Variants in IL6ST observed in about 807,000 individuals in gnomAD.
IL6ST encodes interleukin 6 cytokine family signal transducer.
In IL6ST, 24 loss-of-function variants were observed where a neutral mutation model predicts 91.3. The ratio of observed to expected loss-of-function variants is 0.26; its 90% CI spans 0.19 to 0.37. IL6ST has a LOEUF of 0.37. Among genes scored for constraint, IL6ST ranks in the 10% least tolerant of loss-of-function variants. The pLI, the probability that IL6ST is intolerant of heterozygous loss-of-function variation, is 1.00. For synonymous variants in IL6ST, 351 were observed against 373.6 expected (o/e 0.94, Z 0.70); for missense variants, 914 against 1,078.5 (o/e 0.85, Z 2.14).
chr5:55,985,211 T>C lies in IL6ST; in HGVS notation c.-103-2400A>G, dbSNP rs141781278. On this transcript the variant is annotated intron_variant, in intron 1 of 16. Transcript: ENST00000381298. ...TGTTTTTGATGTATCTAAGAAGTCT[T>C]TGCTTAATCTAAAATCATAAAGGGC... 5.5e-4 allele frequency among the ~76,000 whole-genome samples: 83 copies of C among 152,274 alleles called. No homozygotes were observed. In the East Asian group the frequency reaches 0.014, roughly 25 times the overall value.
chr5:55,957,345 A>T (rs1752052193), intron 8 of IL6ST, 54 bp from the exon 9 acceptor site: 1 of 881,432 alleles, frequency 1.1e-6, no homozygotes, highest in Admixed American at 2.4e-5. Context: ...AGTAAAATAA[A>T]ATTCTGCAAA....
intron 1 of IL6ST, among the ~76,000 whole-genome samples, chr5:55,993,062 A>C (rs1284423855): frequency 2.0e-5 from 3 of 152,210 alleles, no homozygotes; most frequent in East Asian, 1.9e-4. Context: ...CAATCAAAGA[A>C]ACGGAGAAGC....
chr5:55,983,886 TA>T (rs1481346496), intron 1 of IL6ST, among the ~76,000 whole-genome samples: 7 of 152,222 alleles, frequency 4.6e-5, no homozygotes, highest in Non-Finnish European at 1.5e-5. Flanking sequence ...CACTTAACAC[TA>T]CATAGTGGAC....
chr5:55,991,973 C>A (rs1348282461), intron 1 of IL6ST, among the ~76,000 whole-genome samples: 2 of 152,176 alleles, frequency 1.3e-5, no homozygotes, highest in Non-Finnish European at 2.9e-5. Flanking sequence ...CCCTACTAAC[C>A]ATCCCTGTAG....
chr5:55,969,234 G>A (rs1254404073), intron 4 of IL6ST, among the ~76,000 whole-genome samples: 2 of 151,896 alleles, frequency 1.3e-5, no homozygotes, highest in East Asian at 1.9e-4. Context: ...CTTTCTTCAG[G>A]TAGCTGCTTT....
Position 55,966,626 on chromosome 5 carries a change from T to C in IL6ST, c.491+1650A>G, listed in dbSNP as rs934338364. The stretch of plus-strand genomic sequence containing the variant: ...TACTGAAGTGATTAAGGGTGAGGTA[T>C]ATTAATGACTGCAACTCACTATGAA... On this transcript the variant is annotated intron_variant, in intron 5 of 16. Coordinates refer to ENST00000381298, the MANE Select transcript of IL6ST (RefSeq NM_002184.4). Among the ~76,000 whole-genome samples the C allele has an allele frequency of 2.0e-5, 3 of 152,192 alleles. No individual in the cohort carries two copies. In the South Asian group the frequency reaches 6.2e-4, roughly 32 times the overall value.
chr5:55,952,289 C>T lies in IL6ST; in HGVS notation c.1513G>A (p.Gly505Arg). The T allele has an allele frequency of 6.2e-7, 1 of 1,611,038 alleles. No individual in the cohort carries two copies. The highest frequency in any genetic ancestry group is 1.1e-5 in the South Asian group (1 of 90,650). Residue 505 changes from glycine (G) to arginine (R), a missense_variant, in exon 12 of 17, where the codon GGA becomes AGA. Gly to Arg is a moderately radical substitution (Grantham distance 125). Coordinates refer to ENST00000381298, the MANE Select transcript of IL6ST (RefSeq NM_002184.4). ...TATGCCTTTATGGATTCAGGGCTTC[C>T]TGGTCCATCAGCATATACTGGAGTA... ...TVTPVYADGP[G>R]SPESIKAYLK... is the part of the protein sequence containing the mutation.
Position 55,964,551 on chromosome 5 carries a change from A to T in IL6ST, c.492-239T>A, listed in dbSNP as rs1366013406. On this transcript the variant is annotated intron_variant, in intron 5 of 16. Transcript: ENST00000381298. ...GTAGTCTAAAAATATTGTGCTTTAA[A>T]ATTTTATGCTCCATCCCCACTTACT... is the stretch of plus-strand genomic sequence containing the variant. 2.0e-5 allele frequency among the ~76,000 whole-genome samples: 3 copies of T among 152,178 alleles called. No individual in the cohort carries two copies. The East Asian group carries it at 5.8e-4, about 29-fold the overall frequency.
At chr5:55,953,398 A>AT (rs553090126) in intron 11 of IL6ST, among the ~76,000 whole-genome samples, 11 of 151,918 alleles carry the variant, frequency 7.2e-5, no homozygotes, top group African/African-American at 2.7e-4. Context: ...GCTAGCTTCT[A>AT]TTTTTTTTGA....
rs1302006456 is a variant in IL6ST at position 55,939,960 on chromosome 5, T to C, written c.*1122A>G. The stretch of plus-strand genomic sequence containing the variant: ...TTTGTTTTGGCAAATATTGCCCAAG[T>C]TGTCTTAGTGTGCCTCAAACATTTA... On this transcript the variant is annotated 3_prime_UTR_variant, in exon 17 of 17. Transcript: ENST00000381298. The C allele has an allele frequency of 4.9e-6, 1 of 203,566 alleles. No individual in the cohort carries two copies. The highest frequency in any genetic ancestry group is 2.3e-5 in the African/African-American group (1 of 43,696). The allele number at this position is 203,566 out of a possible 1,614,324, so 12.6% of individuals were successfully genotyped here. A position where few individuals can be genotyped will look rare whatever the true frequency, so the allele number is the denominator to read the frequency against.
rs1312260088 is a variant in IL6ST, at chr5:55,936,557, A to G, written c.*4525T>C. ...AAAACCCACACGAAGCATCTCATTTACACTAAGATGCTTATTTAGCTAACA... is the reference window on the plus strand; with the variant it reads ...AAAACCCACACGAAGCATCTCATTTGCACTAAGATGCTTATTTAGCTAACA... On this transcript the variant is annotated 3_prime_UTR_variant, in exon 17 of 17. Transcript: ENST00000381298. 1 of 205,348 alleles carries G rather than the reference A, an allele frequency of 4.9e-6. No individual in the cohort carries two copies. Among genetic ancestry groups the G allele is most frequent in the East Asian group, 7.5e-5 (1 of 13,362 alleles). 12.7% of individuals were successfully genotyped at this position (205,348 alleles called of 1,614,324 possible). A position where few individuals can be genotyped will look rare whatever the true frequency, so the allele number is the denominator to read the frequency against.
At chr5:55,986,902 C>T (rs1754006082) in intron 1 of IL6ST, among the ~76,000 whole-genome samples, 1 of 152,170 alleles carries the variant, frequency 6.6e-6, no homozygotes, top group South Asian at 2.1e-4. Context: ...TGGTAGCTCC[C>T]ACCTGAAATC....
In IL6ST at chr5:55,952,240, T is replaced by G; in HGVS notation, c.1552+10A>C. The stretch of plus-strand genomic sequence containing the variant: ...AACTTTTTTTTTCAAAGAAGTGAGT[T>G]TGGACTTACGAGCTTGTTTAAGGTA... On this transcript the variant is annotated intron_variant, in intron 12 of 16. Transcript: ENST00000381298. 6.3e-7 allele frequency: 1 copy of G among 1,594,432 alleles called. No individual in the cohort carries two copies. The highest frequency in any genetic ancestry group is 8.6e-7 in the Non-Finnish European group (1 of 1,165,912).
In IL6ST at chr5:55,969,626, A is replaced by G. The variant is rs1752842058; in HGVS notation, c.294T>C (p.Asn98=). The part of the protein sequence containing the change: ...SVTFTDIASL[N]IQLTCNILTF... ...TAAGAATGTTGCAAGTGAGCTGAAT[A>G]TTTAATGAAGCTATATCTGTAAAGG... is the stretch of plus-strand genomic sequence containing the variant. Residue 98 remains asparagine, a synonymous_variant, in exon 4 of 17, where the codon AAT becomes AAC. Coordinates refer to ENST00000381298, the MANE Select transcript of IL6ST (RefSeq NM_002184.4). 1.9e-6 allele frequency: 3 copies of G among 1,612,384 alleles called. No homozygotes were observed. Among genetic ancestry groups the G allele is most frequent in the Non-Finnish European group, 2.5e-6 (3 of 1,178,498 alleles).
intron 1 of IL6ST, among the ~76,000 whole-genome samples, chr5:55,989,265 A>G (rs889355608): frequency 1.3e-5 from 2 of 152,158 alleles, no homozygotes; most frequent in African/African-American, 4.8e-5. Context: ...AGTGTATATA[A>G]GAATTTAGTA....
At chr5:55,971,292 G>A (rs1261593095) in intron 3 of IL6ST, among the ~76,000 whole-genome samples, 6 of 152,048 alleles carry the variant, frequency 3.9e-5, no homozygotes, top group African/African-American at 1.2e-4. Flanking sequence ...CACTGTATTG[G>A]TTCTATATGC....
At chr5:55,967,377 A>G (rs922222858) in intron 5 of IL6ST, among the ~76,000 whole-genome samples, 26 of 150,526 alleles carry the variant, frequency 1.7e-4, no homozygotes, top group African/African-American at 5.6e-4. Context: ...TGTACAATGT[A>G]TAACAGTTTA....
rs1423450392 is a variant in IL6ST at position 55,939,480 on chromosome 5, TTA to T, written c.*1600_*1601del. 2.0e-5 allele frequency: 4 copies of T among 204,890 alleles called. No individual in the cohort carries two copies. Among genetic ancestry groups the T allele is most frequent in the Non-Finnish European group, 3.0e-5 (3 of 100,116 alleles). The allele number at this position is 204,890 out of a possible 1,614,324, so 12.7% of individuals were successfully genotyped here. A position where few individuals can be genotyped will look rare whatever the true frequency, so the allele number is the denominator to read the frequency against. On this transcript the variant is annotated 3_prime_UTR_variant, in exon 17 of 17. Transcript: ENST00000381298. ...AATATTCTGAGAGTAAAAAGTGTAA[TTA>T]TATTTCCATTGTAAATGTATACCAA... is the stretch of plus-strand genomic sequence containing the variant.
rs914040459 is a variant in IL6ST, at chr5:55,963,367, G to A, written c.798C>T (p.Ala266=). ...KYNIQYRTKD[A]STWSQIPPED... Reference sequence around the variant, plus strand: ...TTCAATTTACCTGGCTCCAAGTTGAGGCATCTTTGGTCCTATATTGAATGT... The same window carrying A: ...TTCAATTTACCTGGCTCCAAGTTGAAGCATCTTTGGTCCTATATTGAATGT... Residue 266 remains alanine (A), a synonymous_variant, in exon 7 of 17, where the codon GCC becomes GCT. Transcript: ENST00000381298. 2 of 1,579,184 alleles carry A rather than the reference G, an allele frequency of 1.3e-6. No individual in the cohort carries two copies. The highest frequency in any genetic ancestry group is 2.7e-5 in the African/African-American group (2 of 72,856).
Sources: allele counts gnomAD v4.1 joint callset (sites outside exome capture counted in the v4.1 genomes callset), GRCh38; gene constraint gnomAD v4.1.1; transcripts MANE v1.5; gene names NCBI Gene and HGNC (gene_info 2026-07-23, HGNC 2026-07-21).